The following UGGT2 variants were observed in gnomAD, a reference collection of about 807,000 sequenced individuals.
UGGT2 encodes UDP-glucose glycoprotein glucosyltransferase 2.
In UGGT2, 180 loss-of-function variants were observed where a neutral mutation model predicts 192.1. The ratio of observed to expected loss-of-function variants is 0.94; its 90% CI spans 0.83 to 1.06. The LOEUF (loss-of-function observed/expected upper bound fraction) is 1.06, where lower values mean the gene tolerates loss of function less well. UGGT2 is among the 50% of genes least tolerant of loss of function. The pLI, the probability that UGGT2 is intolerant of heterozygous loss-of-function variation, is 0.00. For missense variants in UGGT2, 1,849 were observed against 1,795.7 expected, an observed-to-expected ratio of 1.03 and a Z score of -0.54; for synonymous variants, 580 against 591.0, an observed-to-expected ratio of 0.98 and a Z score of 0.27.
At chr13:95,851,952 C>A (rs1415031279) in intron 36 of UGGT2, among the ~76,000 whole-genome samples, 1 of 152,058 alleles carries the variant, frequency 6.6e-6, no homozygotes, top group Non-Finnish European at 1.5e-5. Flanking sequence ...TATTCATAAT[C>A]GAAATCTGGC....
intron 1 of UGGT2, among the ~76,000 whole-genome samples, chr13:96,045,226 AATAAAT>A (rs2053274228): frequency 6.6e-6 from 1 of 152,172 alleles, no homozygotes; most frequent in Non-Finnish European, 1.5e-5. Flanking sequence ...CAGAATTAAA[AATAAAT>A]ATTACATGAT....
intron 30 of UGGT2, among the ~76,000 whole-genome samples, chr13:95,864,546 C>T (rs559372550): frequency 1.4e-4 from 22 of 152,264 alleles, no homozygotes; most frequent in Middle Eastern, 3.4e-3. Context: ...TAGATGAATT[C>T]TCCTTTCTTA....
At chr13:96,007,298 C>T (rs2052012381) in intron 5 of UGGT2, among the ~76,000 whole-genome samples, 1 of 152,054 alleles carries the variant, frequency 6.6e-6, no homozygotes, top group African/African-American at 2.4e-5. Flanking sequence ...AGGGAACATA[C>T]CTCAAAATAA....
chr13:95,944,711 T>C (rs1228001883), intron 15 of UGGT2, among the ~76,000 whole-genome samples: 1 of 152,092 alleles, frequency 6.6e-6, no homozygotes, highest in Non-Finnish European at 1.5e-5. Context: ...AATGGTTAAC[T>C]AGTTCTTTTA....
chr13:95,878,904 GTATT>G (rs2047416543), intron 27 of UGGT2, among the ~76,000 whole-genome samples: 1 of 152,094 alleles, frequency 6.6e-6, no homozygotes, highest in African/African-American at 2.4e-5. Flanking sequence ...TTTGAAGACA[GTATT>G]TATTTAAAAA....
chr13:95,844,066 T>C (rs1246921183), intron 36 of UGGT2, among the ~76,000 whole-genome samples: 1 of 152,162 alleles, frequency 6.6e-6, no homozygotes, highest in Non-Finnish European at 1.5e-5. Context: ...GTTCAAGTGA[T>C]TCTCCTGCCT....
intron 2 of UGGT2, 83 bp from the exon 3 acceptor site, chr13:96,023,842 A>G: frequency 8.7e-7 from 1 of 1,155,372 alleles, no homozygotes; most frequent in Non-Finnish European, 1.2e-6. Flanking sequence ...AGGCTAACTT[A>G]ATGTCATATA....
At chr13:95,958,436 C>T (rs948401620) in intron 12 of UGGT2, among the ~76,000 whole-genome samples, 6 of 152,178 alleles carry the variant, frequency 3.9e-5, no homozygotes, top group South Asian at 2.1e-4. Context: ...CAGGCGTAAG[C>T]CTCCACGCCT....
intron 29 of UGGT2, among the ~76,000 whole-genome samples, chr13:95,868,261 C>G (rs139462535): frequency 6.6e-6 from 1 of 152,198 alleles, no homozygotes; most frequent in East Asian, 1.9e-4. Context: ...GGTGGTTAAA[C>G]CAATGTAGCA....
chr13:96,053,295 G>C lies in UGGT2; in HGVS notation c.18C>G (p.Ala6=). Reference sequence around the variant, plus strand: ...CTAGTAGCAGCCGCACCACGTTCGTGGCTTTCGCTGGCGCCATGGCACGGA... The same window carrying C: ...CTAGTAGCAGCCGCACCACGTTCGTCGCTTTCGCTGGCGCCATGGCACGGA... MAPAK[A]TNVVRLLLGS... The change falls in exon 1 of 39, where the codon GCC becomes GCG. Residue 6 remains alanine (A), a synonymous_variant. Coordinates refer to ENST00000376747, the MANE Select transcript of UGGT2 (RefSeq NM_020121.4). 2.5e-6 allele frequency: 4 copies of C among 1,578,634 alleles called. No homozygotes were observed. Among genetic ancestry groups the C allele is most frequent in the Non-Finnish European group, 3.4e-6 (4 of 1,171,614 alleles).
chr13:95,917,495 C>A (rs2048715534), intron 20 of UGGT2, among the ~76,000 whole-genome samples: 1 of 152,128 alleles, frequency 6.6e-6, no homozygotes, highest in South Asian at 2.1e-4. Context: ...TATGAATCAA[C>A]CACATAAACA....
intron 12 of UGGT2, among the ~76,000 whole-genome samples, chr13:95,951,465 G>A (rs186580751): frequency 6.6e-6 from 1 of 152,296 alleles, no homozygotes; most frequent in East Asian, 1.9e-4. Flanking sequence ...AGGCAGCTGA[G>A]GGTGAGAATT....
At chr13:95,890,207 A>T (rs547109816) in intron 25 of UGGT2, among the ~76,000 whole-genome samples, 3 of 152,324 alleles carry the variant, frequency 2.0e-5, no homozygotes, top group Non-Finnish European at 4.4e-5. Flanking sequence ...AGTTTTATCC[A>T]ATTAAGCTTA....
chr13:95,876,076 T>C (rs74644751), intron 29 of UGGT2, among the ~76,000 whole-genome samples: 1,562 of 148,710 alleles, frequency 0.011, 26 homozygotes, highest in African/African-American at 0.036. Flanking sequence ...GTTAAAAAAA[T>C]AATTTTGACA....
chr13:95,808,991 T>C (rs1203091338), intron 38 of UGGT2, among the ~76,000 whole-genome samples: 1 of 152,234 alleles, frequency 6.6e-6, no homozygotes, highest in African/African-American at 2.4e-5. Context: ...TAGTATGCTT[T>C]GTATTATAGG....
chr13:95,917,844 A>G (rs749163560), intron 20 of UGGT2, among the ~76,000 whole-genome samples: 4 of 152,248 alleles, frequency 2.6e-5, no homozygotes, highest in Non-Finnish European at 4.4e-5. Flanking sequence ...TAACTATCCT[A>G]AATATATAGG....
chr13:95,925,962 T>C (rs1177185546), intron 19 of UGGT2, among the ~76,000 whole-genome samples, 188 bp from the exon 20 acceptor site: 2 of 152,012 alleles, frequency 1.3e-5, no homozygotes, highest in Non-Finnish European at 2.9e-5. Flanking sequence ...AATAAATACA[T>C]ATAAAATTAC....
chr13:95,927,375 T>C, intron 17 of UGGT2, 39 bp from the exon 18 acceptor site: 1 of 1,527,630 alleles, frequency 6.5e-7, no homozygotes, highest in East Asian at 2.3e-5. Flanking sequence ...ATACAGGCAA[T>C]TTATATCCAT....
Position 96,023,552 on chromosome 13 carries a change from G to A in UGGT2, c.372+77C>T, listed in dbSNP as rs894172765. The A allele has an allele frequency of 3.1e-4, 433 of 1,407,860 alleles. 1 individual carries two copies. The highest frequency in any genetic ancestry group is 3.9e-4 in the Non-Finnish European group (413 of 1,058,582). 87.2% of individuals were successfully genotyped at this position (1,407,860 alleles called of 1,614,324 possible). A position where few individuals can be genotyped will look rare whatever the true frequency, so the allele number is the denominator to read the frequency against. On this transcript the variant is annotated intron_variant, in intron 3 of 38. Coordinates refer to ENST00000376747, the MANE Select transcript of UGGT2 (RefSeq NM_020121.4). Reference sequence around the variant, plus strand: ...AACTTGTAGATCATTTTGAACTAAAGATGTTCATATTAAAGAACTCTATGT... The same window carrying A: ...AACTTGTAGATCATTTTGAACTAAAAATGTTCATATTAAAGAACTCTATGT...
Sources: allele counts gnomAD v4.1 joint callset (sites outside exome capture counted in the v4.1 genomes callset), GRCh38; gene constraint gnomAD v4.1.1; transcripts MANE v1.5; gene names NCBI Gene and HGNC (gene_info 2026-07-23, HGNC 2026-07-21).